The following TTC4 variants were observed in gnomAD, a reference collection of about 807,000 sequenced individuals.
The protein encoded by TTC4 is tetratricopeptide repeat domain 4, also known as hsp70/Hsp90 co-chaperone CNS1 homolog.
Under a neutral mutation model 51.9 loss-of-function variants are expected in TTC4, and 36 were observed. The ratio of observed to expected loss-of-function variants is 0.69; its 90% confidence interval spans 0.53 to 0.92. TTC4 has a LOEUF of 0.92. Ranked by LOEUF, TTC4 falls within the 40% of genes least tolerant of loss-of-function variation. TTC4 has a pLI of 0.00. For synonymous variants in TTC4, 144 were observed against 164.2 expected (o/e 0.88, Z 0.94); for missense variants, 399 against 454.6 (o/e 0.88, Z 1.11).
intron 6 of TTC4, among the ~76,000 whole-genome samples, chr1:54,729,058 G>T (rs1645834768): frequency 3.3e-5 from 5 of 152,050 alleles, no homozygotes; most frequent in Non-Finnish European, 5.9e-5. Flanking sequence ...CTTGTGCTTT[G>T]GGGTCCTTAT....
intron 6 of TTC4, 24 bp from the exon 7 acceptor site, chr1:54,731,462 T>C: frequency 6.2e-7 from 1 of 1,611,556 alleles, no homozygotes; most frequent in Non-Finnish European, 8.5e-7. Context: ...GCATTATGTG[T>C]GTGTGTTTCT....
chr1:54,728,413 CT>C lies in TTC4; in HGVS notation c.665del (p.Leu222TyrfsTer27). ...KEKKERNQNE[A>X]LLQAIKARNI... ...AAGAAGGAGAGGAATCAGAATGAGG[CT>C]TTACTCCAGGCCATCAAGGTGAGTT... On this transcript the variant is annotated frameshift_variant, in exon 6 of 10. Coordinates refer to ENST00000371281, the MANE Select transcript of TTC4 (RefSeq NM_004623.5). LOFTEE classifies it high-confidence loss of function. 1.9e-6 allele frequency: 3 copies of C among 1,612,844 alleles called. No homozygotes were observed. Among genetic ancestry groups the C allele is most frequent in the Non-Finnish European group, 2.5e-6 (3 of 1,179,196 alleles).
chr1:54,727,325 C>T (rs1645812071), intron 5 of TTC4, among the ~76,000 whole-genome samples: 1 of 152,130 alleles, frequency 6.6e-6, no homozygotes, highest in Non-Finnish European at 1.5e-5. Context: ...GAAGCTAGAA[C>T]TTTACCTCAT....
At chr1:54,724,149 G>C (rs1645774630) in intron 5 of TTC4, among the ~76,000 whole-genome samples, 1 of 152,216 alleles carries the variant, frequency 6.6e-6, no homozygotes, top group Non-Finnish European at 1.5e-5. Context: ...CTGAGTACAA[G>C]CTGATTCTGG....
Position 54,741,884 on chromosome 1 carries a change from A to AT in TTC4, c.*371_*372insT. On this transcript the variant is annotated 3_prime_UTR_variant, in exon 10 of 10. Transcript: ENST00000371281. ...TTTGTGGAGTTTGACACCTTAGAGA[A>AT]GCTACCCCTCAAACTGCACATCTAC... The AT allele has an allele frequency of 8.3e-6, 2 of 242,282 alleles. No homozygotes were observed. Among genetic ancestry groups the AT allele is most frequent in the South Asian group, 7.7e-5 (1 of 13,022 alleles). The allele number at this position is 242,282 out of a possible 1,614,324, so 15.0% of individuals were successfully genotyped here.
In TTC4 at chr1:54,715,882, C is replaced by G. The variant is rs188602573; in HGVS notation, c.-27C>G. The G allele has an allele frequency of 1.3e-4, 206 of 1,567,676 alleles. 1 individual carries two copies. The African/African-American group carries it at 2.6e-3, about 20-fold the overall frequency. ...AGCCGCTCGCTTCACGGCGCTGGGA[C>G]CCGGGCTGGAAGGCAGGGCATCAGC... On this transcript the variant is annotated 5_prime_UTR_variant, in exon 1 of 10. Transcript: ENST00000371281.
At chr1:54,724,986 TTCTCA>T (rs1645783152) in intron 5 of TTC4, among the ~76,000 whole-genome samples, 1 of 152,200 alleles carries the variant, frequency 6.6e-6, no homozygotes, top group Non-Finnish European at 1.5e-5. Flanking sequence ...ACTTGCTCTA[TTCTCA>T]TCTCCCTCCT....
At chr1:54,735,080 A>G (rs1292443584) in intron 8 of TTC4, among the ~76,000 whole-genome samples, 1 of 152,034 alleles carries the variant, frequency 6.6e-6, no homozygotes, top group African/African-American at 2.4e-5. Context: ...TTTTTACTTA[A>G]AAAATTTTTA....
chr1:54,716,060 G>A (rs1487616893), intron 1 of TTC4, 41 bp downstream of exon 1: 1 of 1,507,874 alleles, frequency 6.6e-7, no homozygotes, highest in Non-Finnish European at 9.0e-7. Context: ...TAGGGGCGTC[G>A]TCCGGACTCG....
At chr1:54,726,162 C>T (rs1645796607) in intron 5 of TTC4, among the ~76,000 whole-genome samples, 1 of 152,086 alleles carries the variant, frequency 6.6e-6, no homozygotes, top group Admixed American at 6.6e-5. Context: ...TCTACCTAAA[C>T]ACATTATAAT....
chr1:54,732,011 G>A (rs1055555375), intron 7 of TTC4, among the ~76,000 whole-genome samples: 1 of 152,024 alleles, frequency 6.6e-6, no homozygotes, highest in Non-Finnish European at 1.5e-5. Context: ...TACATGCATA[G>A]CAATTTAAGT....
intron 3 of TTC4, among the ~76,000 whole-genome samples, chr1:54,719,200 G>C (rs1009871835): frequency 1.6e-4 from 24 of 147,244 alleles, no homozygotes; most frequent in African/African-American, 5.6e-4. Flanking sequence ...GCAGCAGAGG[G>C]GTAAGGAATA....
intron 3 of TTC4, 102 bp from the exon 4 acceptor site, chr1:54,721,061 T>C (rs1645738279): frequency 9.1e-7 from 1 of 1,103,084 alleles, no homozygotes; most frequent in Non-Finnish European, 1.3e-6. Flanking sequence ...CTCATTTGTA[T>C]TTCCCCAGGA....
At chr1:54,717,755 GA>G in intron 3 of TTC4, 102 bp downstream of exon 3, 1 of 1,123,394 alleles carries the variant, frequency 8.9e-7, no homozygotes, top group Non-Finnish European at 1.2e-6. Flanking sequence ...TGTTATCCCA[GA>G]AACCCAGACT....
chr1:54,716,804 A>G, intron 2 of TTC4, 87 bp downstream of exon 2: 1 of 1,074,694 alleles, frequency 9.3e-7, no homozygotes, highest in South Asian at 1.5e-5. Flanking sequence ...GATAACAAGA[A>G]GTAGTTAGCC....
intron 5 of TTC4, among the ~76,000 whole-genome samples, chr1:54,725,821 CA>C (rs1443155088): frequency 6.6e-6 from 1 of 152,110 alleles, no homozygotes; most frequent in East Asian, 1.9e-4. Context: ...TTGAAAAGTA[CA>C]ATAACTGAAA....
intron 4 of TTC4, among the ~76,000 whole-genome samples, chr1:54,722,316 G>T (rs956738854): frequency 6.6e-6 from 1 of 152,106 alleles, no homozygotes; most frequent in Non-Finnish European, 1.5e-5. Flanking sequence ...TGCAGATGAG[G>T]AACCTAAAGC....
At chr1:54,731,433 C>T in intron 6 of TTC4, 53 bp from the exon 7 acceptor site, 1 of 1,561,560 alleles carries the variant, frequency 6.4e-7, no homozygotes, top group Admixed American at 1.8e-5. Context: ...GGTTTGCATC[C>T]TCCCACACAA....
At chr1:54,716,755 T>C (rs777002070) in intron 2 of TTC4, 38 bp downstream of exon 2, 23 of 1,539,622 alleles carry the variant, frequency 1.5e-5, no homozygotes, top group Non-Finnish European at 2.0e-5. Flanking sequence ...TGTGTTTCCA[T>C]TGAACTGAAA....
Sources: gnomAD v4.1 joint callset for allele counts (sites outside exome capture counted in the v4.1 genomes callset) on GRCh38, gnomAD v4.1.1 for gene constraint, MANE v1.5 for transcripts, NCBI Gene and HGNC (gene_info 2026-07-23, HGNC 2026-07-21) for gene names.